The following PAQR5 variants were observed in gnomAD, a reference collection of about 807,000 sequenced individuals.
PAQR5 encodes the protein progestin and adipoQ receptor family member 5.
In PAQR5, 20 loss-of-function variants were observed where a neutral mutation model predicts 34.5. The ratio of observed to expected loss-of-function variants is 0.58; its 90% CI spans 0.41 to 0.84. PAQR5 has a LOEUF of 0.84. PAQR5 is among the 40% of genes least tolerant of loss of function. PAQR5 has a pLI of 0.00. For missense variants in PAQR5, 378 were observed against 412.7 expected (o/e 0.92, Z 0.73); for synonymous variants, 131 against 155.6 (o/e 0.84, Z 1.18).
At chr15:69,335,081 C>T (rs929767636) in intron 1 of PAQR5, among the ~76,000 whole-genome samples, 2 of 151,646 alleles carry the variant, frequency 1.3e-5, no homozygotes, top group East Asian at 2.0e-4. Flanking sequence ...AAAAATTAGC[C>T]GGGCCTGTGG....
chr15:69,402,507 G>A (rs994333640), intron 8 of PAQR5, among the ~76,000 whole-genome samples: 4 of 151,866 alleles, frequency 2.6e-5, no homozygotes, highest in African/African-American at 4.8e-5. Context: ...TAGTAGAGAC[G>A]GGGTTTCATC....
Position 69,403,899 on chromosome 15 carries a change from A to G in PAQR5, c.*77A>G. 7.0e-7 allele frequency: 1 copy of G among 1,432,956 alleles called. No homozygotes were observed. Among genetic ancestry groups the G allele is most frequent in the Non-Finnish European group, 9.5e-7 (1 of 1,049,846 alleles). The allele number at this position is 1,432,956 out of a possible 1,614,324, so 88.8% of individuals were successfully genotyped here. A position where few individuals can be genotyped will look rare whatever the true frequency, so the allele number is the denominator to read the frequency against. ...TAACCACCATAAGCCGGAGGTGGTT[A>G]CAGCTTATCATGGCCTAAAATATTC... On this transcript the variant is annotated 3_prime_UTR_variant, in exon 9 of 9. Coordinates refer to ENST00000395407, the MANE Select transcript of PAQR5 (RefSeq NM_017705.4).
chr15:69,306,346 T>C (rs1001824879), intron 1 of PAQR5, among the ~76,000 whole-genome samples: 1 of 151,982 alleles, frequency 6.6e-6, no homozygotes, highest in African/African-American at 2.4e-5. Context: ...TTAACCTTTT[T>C]TTTTTACCAT....
At chr15:69,387,588 G>T (rs940609567) in intron 5 of PAQR5, among the ~76,000 whole-genome samples, 7 of 152,232 alleles carry the variant, frequency 4.6e-5, no homozygotes, top group Non-Finnish European at 8.8e-5. Flanking sequence ...CCTGAGGTAG[G>T]TCCTAGTGTC....
rs532980980 is a variant in PAQR5 at position 69,378,046 on chromosome 15, T to C, written c.52-1837T>C. 2.4e-4 allele frequency among the ~76,000 whole-genome samples: 36 copies of C among 152,034 alleles called. No individual in the cohort carries two copies. In the East Asian group the frequency reaches 7.0e-3, roughly 29 times the overall value. On this transcript the variant is annotated intron_variant, in intron 3 of 8. Coordinates refer to ENST00000395407, the MANE Select transcript of PAQR5 (RefSeq NM_017705.4). ...GGGAGCCCGAGGTGGGTGGATCATT[T>C]AAGGTCAGGAGTTTGAGACCAGTCT...
intron 3 of PAQR5, among the ~76,000 whole-genome samples, chr15:69,374,378 A>T (rs905786845): frequency 9.2e-5 from 14 of 152,180 alleles, no homozygotes; most frequent in Admixed American, 5.2e-4. Flanking sequence ...ATGATAGGTT[A>T]TAATTGCTGC....
chr15:69,310,289 G>A (rs1261450872), intron 1 of PAQR5, among the ~76,000 whole-genome samples: 2 of 152,090 alleles, frequency 1.3e-5, no homozygotes, highest in East Asian at 3.9e-4. Context: ...TGGTTCATGG[G>A]TATGTGCGTT....
At chr15:69,299,414 C>G (rs1270415422) in intron 1 of PAQR5, among the ~76,000 whole-genome samples, 3 of 152,218 alleles carry the variant, frequency 2.0e-5, no homozygotes, top group African/African-American at 7.2e-5. Flanking sequence ...CCCCTCCCGC[C>G]GCCCCCACTT....
intron 2 of PAQR5, among the ~76,000 whole-genome samples, chr15:69,348,837 C>T (rs2054838968): frequency 1.3e-5 from 2 of 152,140 alleles, no homozygotes; most frequent in Admixed American, 1.3e-4. Flanking sequence ...GGGTGATTCA[C>T]AGGGATTCAC....
Position 69,404,881 on chromosome 15 carries a change from T to G in PAQR5, c.*1059T>G, listed in dbSNP as rs952434454. The G allele has an allele frequency of 1.0e-5, 4 of 398,182 alleles. No individual in the cohort carries two copies. The highest frequency in any genetic ancestry group is 1.8e-5 in the Non-Finnish European group (4 of 225,952). The allele number at this position is 398,182 out of a possible 1,614,324, so 24.7% of individuals were successfully genotyped here. A position where few individuals can be genotyped will look rare whatever the true frequency, so the allele number is the denominator to read the frequency against. Reference sequence around the variant, plus strand: ...TGCTTCACTAGGTTAAATGTAGGTTTTGTAGAGGAGATCTGCACTGGAGCA... The same window carrying G: ...TGCTTCACTAGGTTAAATGTAGGTTGTGTAGAGGAGATCTGCACTGGAGCA... On this transcript the variant is annotated 3_prime_UTR_variant, in exon 9 of 9. Transcript: ENST00000395407.
rs558338204 is a variant in PAQR5 at position 69,334,601 on chromosome 15, A to G, written c.-276-2740A>G. Among the ~76,000 whole-genome samples, 311 of 152,344 alleles carry G rather than the reference A, an allele frequency of 2.0e-3. 1 individual carries two copies. The highest frequency in any genetic ancestry group is 0.018 in the South Asian group (85 of 4,830). ...GATGTCCTAGGCTCCACCCCAGTAC[A>G]TAATTAAAATCGCTTACTTACCAGG... On this transcript the variant is annotated intron_variant, in intron 1 of 8. Coordinates refer to ENST00000395407, the MANE Select transcript of PAQR5 (RefSeq NM_017705.4).
At chr15:69,376,233 G>T (rs555105480) in intron 3 of PAQR5, among the ~76,000 whole-genome samples, 3 of 152,292 alleles carry the variant, frequency 2.0e-5, no homozygotes, top group South Asian at 4.1e-4. Context: ...TTACTTGGGG[G>T]TGCTTAGAAA....
intron 8 of PAQR5, among the ~76,000 whole-genome samples, chr15:69,401,411 A>ACTAGTAAAATGCTTAGAGAACAGATTTC (rs1378523286): frequency 6.6e-5 from 10 of 152,202 alleles, no homozygotes; most frequent in African/African-American, 2.4e-4. Context: ...AGGGGTTGTA[A>ACTAGTAAAATGCTTAGAGAACAGATTTC]CTAGTAAAAT....
intron 1 of PAQR5, among the ~76,000 whole-genome samples, chr15:69,300,854 T>G (rs1205644531): frequency 0.022 from 281 of 12,780 alleles, 78 homozygotes; most frequent in South Asian, 0.029. Context: ...TCTTTCTTTC[T>G]TTCTTTCTTT....
rs2056746586 is a variant in PAQR5, at chr15:69,406,039, T to C, written c.*2217T>C. Reference sequence around the variant, plus strand: ...AGGCATTAGATGTCTAATGTGAGTATAATTTCATCCAAGCCATCTCAGAAA... The same window carrying C: ...AGGCATTAGATGTCTAATGTGAGTACAATTTCATCCAAGCCATCTCAGAAA... On this transcript the variant is annotated 3_prime_UTR_variant, in exon 9 of 9. Transcript: ENST00000395407. 1 of 152,230 alleles carries C rather than the reference T, an allele frequency of 6.6e-6. No individual in the cohort carries two copies. The highest frequency in any genetic ancestry group is 2.4e-5 in the African/African-American group (1 of 41,460). The allele number at this position is 152,230 out of a possible 1,614,324, so 9.4% of individuals were successfully genotyped here.
chr15:69,303,713 C>G (rs947937959), intron 1 of PAQR5, among the ~76,000 whole-genome samples: 1 of 152,122 alleles, frequency 6.6e-6, no homozygotes, highest in Non-Finnish European at 1.5e-5. Context: ...CTAGGGATAA[C>G]CGACCAGTCT....
At chr15:69,304,401 C>T (rs67525983) in intron 1 of PAQR5, among the ~76,000 whole-genome samples, 8,055 of 152,252 alleles carry the variant, frequency 0.053, 308 homozygotes, top group East Asian at 0.13. Flanking sequence ...GTGTCTGGCC[C>T]ACAGTTGGAG....
chr15:69,313,238 C>T (rs1020365114), intron 1 of PAQR5, among the ~76,000 whole-genome samples: 3 of 152,170 alleles, frequency 2.0e-5, no homozygotes, highest in African/African-American at 7.2e-5. Flanking sequence ...GTCTCATGCC[C>T]GTAAAATCCA....
chr15:69,348,659 A>C (rs1438272128), intron 2 of PAQR5, among the ~76,000 whole-genome samples: 4 of 152,190 alleles, frequency 2.6e-5, no homozygotes, highest in African/African-American at 7.2e-5. Flanking sequence ...CCTGAACTGC[A>C]TATAGTACTA....
Sources: gnomAD v4.1 joint callset for allele counts (sites outside exome capture counted in the v4.1 genomes callset) on GRCh38, gnomAD v4.1.1 for gene constraint, MANE v1.5 for transcripts, NCBI Gene and HGNC (gene_info 2026-07-23, HGNC 2026-07-21) for gene names.